The following AFG2A variants were observed in gnomAD, a reference collection of about 807,000 sequenced individuals.
The protein encoded by AFG2A is AAA ATPase AFG2A, also known as ATPase family gene 2 protein homolog A.
chr4:123,091,951 A>G, the AFG2A span, among the ~76,000 whole-genome samples: 3 of 152,154 alleles, frequency 2.0e-5, no homozygotes, highest in Non-Finnish European at 4.4e-5. Context: ...AAAAGATGTG[A>G]TTTTTAAAAA....
At chr4:123,005,427 T>C in the AFG2A span, among the ~76,000 whole-genome samples, 1 of 152,334 alleles carries the variant, frequency 6.6e-6, no homozygotes, top group Non-Finnish European at 1.5e-5. Flanking sequence ...AGTGCTGGAA[T>C]TACAGGTGTG....
chr4:123,045,709 T>G, the AFG2A span, among the ~76,000 whole-genome samples: 1 of 152,210 alleles, frequency 6.6e-6, no homozygotes, highest in Non-Finnish European at 1.5e-5. Context: ...TTAACTTTGA[T>G]TATGGTGGTG....
chr4:123,314,175 A>G, the AFG2A span: 145 of 887,820 alleles, frequency 1.6e-4, no homozygotes, highest in Non-Finnish European at 2.2e-4. Context: ...TGTTTGAAGT[A>G]TGTTCAGTAG....
At chr4:123,256,351 C>G in the AFG2A span, among the ~76,000 whole-genome samples, 1 of 151,890 alleles carries the variant, frequency 6.6e-6, no homozygotes, top group South Asian at 2.1e-4. Flanking sequence ...CTTTACGTGG[C>G]TTCTATTATA....
the AFG2A span, among the ~76,000 whole-genome samples, chr4:123,305,734 T>C: frequency 6.6e-6 from 1 of 152,208 alleles, no homozygotes; most frequent in Non-Finnish European, 1.5e-5. Flanking sequence ...AGAAACCATG[T>C]TGGTTTTAAT....
chr4:122,927,930 C>A, the AFG2A span, among the ~76,000 whole-genome samples: 1 of 152,112 alleles, frequency 6.6e-6, no homozygotes, highest in Non-Finnish European at 1.5e-5. Context: ...GGCAAATATT[C>A]CAAAATGGAA....
the AFG2A span, among the ~76,000 whole-genome samples, chr4:123,040,009 T>C: frequency 1.3e-5 from 2 of 152,148 alleles, no homozygotes; most frequent in African/African-American, 4.8e-5. Context: ...TTTATGTTAA[T>C]GAATTTTTAA....
the AFG2A span, chr4:122,934,531 A>G: frequency 1.1e-5 from 18 of 1,614,230 alleles, no homozygotes; most frequent in Non-Finnish European, 1.4e-5. Context: ...AAAGTTCAGC[A>G]TAGGAGCAAA....
the AFG2A span, among the ~76,000 whole-genome samples, chr4:123,175,356 G>A: frequency 6.6e-6 from 1 of 152,078 alleles, no homozygotes; most frequent in Admixed American, 6.5e-5. Flanking sequence ...GACAATTCAT[G>A]GAAGGGACTC....
the AFG2A span, among the ~76,000 whole-genome samples, chr4:123,082,752 T>A: frequency 3.3e-5 from 5 of 152,112 alleles, no homozygotes; most frequent in Non-Finnish European, 7.4e-5. Context: ...GTGGATCAAG[T>A]TGAAAAGAAT....
At chr4:123,060,258 C>T in the AFG2A span, among the ~76,000 whole-genome samples, 1 of 152,196 alleles carries the variant, frequency 6.6e-6, no homozygotes, top group Non-Finnish European at 1.5e-5. Context: ...TGTGGAGGAT[C>T]GTGGCTCTTT....
chr4:123,084,078 A>G, the AFG2A span, among the ~76,000 whole-genome samples: 1 of 151,894 alleles, frequency 6.6e-6, no homozygotes, highest in African/African-American at 2.4e-5. Context: ...CATCTAGGTT[A>G]TCAAATTTTG....
chr4:123,182,972 A>G, the AFG2A span, among the ~76,000 whole-genome samples: 212 of 152,368 alleles, frequency 1.4e-3, 7 homozygotes, highest in East Asian at 0.039. Flanking sequence ...ATAACTTAGT[A>G]CAGTACTTTC....
the AFG2A span, among the ~76,000 whole-genome samples, chr4:123,191,886 A>T: frequency 6.6e-6 from 1 of 152,070 alleles, no homozygotes; most frequent in African/African-American, 2.4e-5. Context: ...TTATCTTTAT[A>T]CTTTGTTTAT....
chr4:123,089,999 G>GA, the AFG2A span, among the ~76,000 whole-genome samples: 3 of 151,970 alleles, frequency 2.0e-5, no homozygotes, highest in South Asian at 2.1e-4. Context: ...TAAACCAAAG[G>GA]AAAAAAAACT....
chr4:122,976,473 T>C, the AFG2A span, among the ~76,000 whole-genome samples: 1 of 152,370 alleles, frequency 6.6e-6, no homozygotes, highest in East Asian at 1.9e-4. Context: ...ACTATCTTCC[T>C]GGCTGCTTTA....
chr4:123,123,096 A>C, the AFG2A span, among the ~76,000 whole-genome samples: 3 of 152,286 alleles, frequency 2.0e-5, no homozygotes, highest in South Asian at 6.2e-4. Flanking sequence ...AGCTGTTTAA[A>C]AATCATAAAA....
the AFG2A span, among the ~76,000 whole-genome samples, chr4:123,240,966 A>C: frequency 6.6e-6 from 1 of 152,236 alleles, no homozygotes; most frequent in Non-Finnish European, 1.5e-5. Flanking sequence ...CACCGATCCC[A>C]CAGAAATACA....
chr4:122,946,215 T>C, the AFG2A span, among the ~76,000 whole-genome samples: 4 of 152,228 alleles, frequency 2.6e-5, no homozygotes, highest in South Asian at 8.3e-4. Flanking sequence ...ATGGCAAATA[T>C]AGAGAGCTGT....
Sources: allele counts gnomAD v4.1 joint callset (sites outside exome capture counted in the v4.1 genomes callset), GRCh38; gene constraint gnomAD v4.1.1; transcripts MANE v1.5; gene names NCBI Gene and HGNC (gene_info 2026-07-23, HGNC 2026-07-21).